The following CAMK1D variants were observed in gnomAD, a reference collection of about 807,000 sequenced individuals.
The protein encoded by CAMK1D is calcium/calmodulin-dependent protein kinase type 1D.
A neutral mutation model predicts 47.7 loss-of-function variants in CAMK1D; 9 were observed. The observed-to-expected ratio is 0.19, with a 90% CI of 0.11 to 0.33. CAMK1D has a LOEUF of 0.33. Ranked by LOEUF, CAMK1D falls within the 10% of genes least tolerant of loss-of-function variation. CAMK1D has a pLI of 1.00. For synonymous variants in CAMK1D, 184 were observed against 184.9 expected (o/e 0.99, Z 0.04); for missense variants, 291 against 488.7 (o/e 0.60, Z 3.81).
At chr10:12,612,661 G>T (rs113561613) in intron 2 of CAMK1D, among the ~76,000 whole-genome samples, 1 of 152,106 alleles carries the variant, frequency 6.6e-6, no homozygotes, top group South Asian at 2.1e-4. Flanking sequence ...CTGGATGGGC[G>T]TGGAGGTCGC....
chr10:12,439,372 A>C (rs899000041), intron 1 of CAMK1D, among the ~76,000 whole-genome samples: 3 of 152,168 alleles, frequency 2.0e-5, no homozygotes, highest in Admixed American at 6.5e-5. Context: ...GTGTTTTTCA[A>C]AATTACTCTG....
chr10:12,503,188 G>A (rs552057257), intron 1 of CAMK1D, among the ~76,000 whole-genome samples: 8 of 152,322 alleles, frequency 5.3e-5, no homozygotes, highest in Middle Eastern at 3.4e-3. Flanking sequence ...ATATATGTAC[G>A]TGTGGGTGCA....
chr10:12,636,128 A>G (rs11257927), intron 2 of CAMK1D, among the ~76,000 whole-genome samples: 12,066 of 152,282 alleles, frequency 0.079, 1,180 homozygotes, highest in African/African-American at 0.22. Flanking sequence ...ACATTGTTAT[A>G]TGATCCTTAC....
At chr10:12,567,186 T>C (rs1231551025) in intron 2 of CAMK1D, among the ~76,000 whole-genome samples, 2 of 152,198 alleles carry the variant, frequency 1.3e-5, no homozygotes, top group Non-Finnish European at 2.9e-5. Flanking sequence ...ATACGGCAAA[T>C]GCTACTCTGG....
intron 2 of CAMK1D, among the ~76,000 whole-genome samples, chr10:12,602,332 C>T (rs1372640806): frequency 6.6e-6 from 1 of 152,162 alleles, no homozygotes; most frequent in East Asian, 1.9e-4. Flanking sequence ...TCCCAAAGTG[C>T]TGGGATGACA....
At chr10:12,502,325 G>A (rs529495137) in intron 1 of CAMK1D, among the ~76,000 whole-genome samples, 2 of 152,314 alleles carry the variant, frequency 1.3e-5, no homozygotes, top group African/African-American at 4.8e-5. Flanking sequence ...AAAATCAGGC[G>A]GTGATGTACC....
chr10:12,459,230 A>C (rs898749338), intron 1 of CAMK1D, among the ~76,000 whole-genome samples: 2 of 152,158 alleles, frequency 1.3e-5, no homozygotes, highest in South Asian at 4.1e-4. Flanking sequence ...GTTTCAAATA[A>C]AAAAAACCAC....
intron 1 of CAMK1D, among the ~76,000 whole-genome samples, chr10:12,465,389 C>G (rs1833560353): frequency 6.6e-6 from 1 of 152,218 alleles, no homozygotes; most frequent in Non-Finnish European, 1.5e-5. Flanking sequence ...GAGTCTCACT[C>G]TTTCACCCAG....
At chr10:12,746,363 C>CAAAAAAAAAAAAAAAAAAAAA (rs542434085) in intron 3 of CAMK1D, among the ~76,000 whole-genome samples, 3 of 86,850 alleles carry the variant, frequency 3.5e-5, no homozygotes, top group African/African-American at 4.9e-5. Flanking sequence ...GACTCCGTCT[C>CAAAAAAAAAAAAAAAAAAAAA]AAAAAAAAAA....
At chr10:12,743,581 TCA>T (rs1835533156) in intron 3 of CAMK1D, among the ~76,000 whole-genome samples, 1 of 152,164 alleles carries the variant, frequency 6.6e-6, no homozygotes, top group Non-Finnish European at 1.5e-5. Flanking sequence ...TTTAATATGT[TCA>T]CAGAGTTGGA....
At chr10:12,769,924 T>A in intron 5 of CAMK1D, 125 bp downstream of exon 5, 2 of 1,004,674 alleles carry the variant, frequency 2.0e-6, no homozygotes, top group Non-Finnish European at 3.0e-6. Context: ...ACAGCTGCCT[T>A]CACTTCCCCT....
intron 3 of CAMK1D, among the ~76,000 whole-genome samples, chr10:12,682,065 A>G (rs1042438651): frequency 2.6e-5 from 4 of 152,184 alleles, no homozygotes; most frequent in African/African-American, 9.7e-5. Flanking sequence ...TAAAAAATAC[A>G]AAACATTAGG....
At chr10:12,546,220 C>T (rs979489270) in intron 1 of CAMK1D, among the ~76,000 whole-genome samples, 2 of 151,912 alleles carry the variant, frequency 1.3e-5, no homozygotes, top group East Asian at 1.9e-4. Flanking sequence ...CTGGGGGCTA[C>T]GGGACCAGGA....
chr10:12,413,484 T>G (rs1001232219), intron 1 of CAMK1D, among the ~76,000 whole-genome samples: 2 of 24,360 alleles, frequency 8.2e-5, no homozygotes, highest in Admixed American at 4.4e-4. Context: ...GTATGTTTTG[T>G]GATGATGGCG....
chr10:12,820,632 C>T (rs1031276876), intron 8 of CAMK1D, among the ~76,000 whole-genome samples: 2 of 152,162 alleles, frequency 1.3e-5, no homozygotes, highest in Admixed American at 6.5e-5. Context: ...GCAGGGCCAC[C>T]GAGGGCGAGG....
At chr10:12,426,318 C>G (rs1840226577) in intron 1 of CAMK1D, among the ~76,000 whole-genome samples, 1 of 152,154 alleles carries the variant, frequency 6.6e-6, no homozygotes, top group South Asian at 2.1e-4. Flanking sequence ...ATGATCTCGG[C>G]TCACTGCAAC....
At chr10:12,422,820 C>A (rs1205992275) in intron 1 of CAMK1D, among the ~76,000 whole-genome samples, 1 of 151,982 alleles carries the variant, frequency 6.6e-6, no homozygotes, top group East Asian at 1.9e-4. Context: ...TTACAGGCGC[C>A]TGCCACCATG....
At chr10:12,586,453 G>GAAAAAA (rs201388483) in intron 2 of CAMK1D, among the ~76,000 whole-genome samples, 2 of 111,712 alleles carry the variant, frequency 1.8e-5, no homozygotes, top group Non-Finnish European at 1.8e-5. Flanking sequence ...CCTCTCAAAA[G>GAAAAAA]AAAAAAAAAA....
intron 1 of CAMK1D, among the ~76,000 whole-genome samples, chr10:12,495,054 C>T (rs1051008004): frequency 5.3e-5 from 8 of 152,108 alleles, no homozygotes; most frequent in African/African-American, 9.7e-5. Flanking sequence ...TTAAAAACAC[C>T]GCTATCAAAA....
Sources: gnomAD v4.1 joint callset for allele counts (sites outside exome capture counted in the v4.1 genomes callset) on GRCh38, gnomAD v4.1.1 for gene constraint, MANE v1.5 for transcripts, NCBI Gene and HGNC (gene_info 2026-07-23, HGNC 2026-07-21) for gene names.